The following RANBP2 variants were observed in gnomAD, a reference collection of about 807,000 sequenced individuals.
RANBP2 encodes the protein RAN binding protein 2, also known as E3 SUMO-protein ligase RanBP2.
RANBP2 carries 57 observed loss-of-function variants against 303.6 expected under a neutral mutation model. The observed-to-expected ratio is 0.19, with a 90% CI of 0.15 to 0.23. RANBP2 has a LOEUF of 0.23. RANBP2 is among the 10% of genes least tolerant of loss of function. The probability of loss-of-function intolerance (pLI) is 1.00; values close to 1 mark genes in which losing one functional copy is unlikely to be tolerated. For synonymous variants in RANBP2, 1,167 were observed against 1,301.5 expected (o/e 0.90, Z 2.23); for missense variants, 3,138 against 3,780.8 (o/e 0.83, Z 4.46).
chr2:109,276,007 C>T, the RANBP2 span, among the ~76,000 whole-genome samples: 1 of 152,180 alleles, frequency 6.6e-6, no homozygotes, highest in African/African-American at 2.4e-5. Context: ...ATTTGGTCTC[C>T]AATCCTGGAG....
downstream of RANBP2, chr2:108,788,974 AC>A (rs1187432185): frequency 6.2e-7 from 1 of 1,613,378 alleles, no homozygotes; most frequent in Non-Finnish European, 8.5e-7. Flanking sequence ...TTGGTAAAGT[AC>A]CCTGAAACTT....
chr2:109,324,668 C>G, the RANBP2 span, among the ~76,000 whole-genome samples: 1 of 152,230 alleles, frequency 6.6e-6, no homozygotes, highest in African/African-American at 2.4e-5. Context: ...TCCTGGAACT[C>G]CTTTCTCCTG....
the RANBP2 span, among the ~76,000 whole-genome samples, chr2:109,019,333 G>A: frequency 0.14 from 21,956 of 152,198 alleles, 2,377 homozygotes; most frequent in African/African-American, 0.3. Context: ...CTGAGCTCCA[G>A]GGACTCACCA....
the RANBP2 span, among the ~76,000 whole-genome samples, chr2:109,558,755 G>GTT: frequency 6.6e-6 from 1 of 152,058 alleles, no homozygotes; most frequent in Admixed American, 6.5e-5. Context: ...TCACATAAAG[G>GTT]TCACCCAACA....
the RANBP2 span, among the ~76,000 whole-genome samples, chr2:109,649,562 T>C: frequency 6.6e-6 from 1 of 152,040 alleles, no homozygotes; most frequent in African/African-American, 2.4e-5. Context: ...CACACCCGGC[T>C]AATTTTTGTA....
At chr2:109,390,477 C>G in the RANBP2 span, among the ~76,000 whole-genome samples, 1 of 151,926 alleles carries the variant, frequency 6.6e-6, no homozygotes, top group East Asian at 1.9e-4. Context: ...TCTGGCAGGT[C>G]TTAATACTGA....
chr2:109,566,853 C>G, the RANBP2 span, among the ~76,000 whole-genome samples: 4 of 151,988 alleles, frequency 2.6e-5, no homozygotes, highest in African/African-American at 9.7e-5. Context: ...GGGGAAAAGT[C>G]TAATGTAAAA....
At chr2:109,549,696 A>G in the RANBP2 span, among the ~76,000 whole-genome samples, 1 of 152,222 alleles carries the variant, frequency 6.6e-6, no homozygotes, top group East Asian at 1.9e-4. Context: ...AGACTCCAGG[A>G]GGATGCCTGA....
At chr2:108,842,227 C>T in the RANBP2 span, among the ~76,000 whole-genome samples, 1 of 149,226 alleles carries the variant, frequency 6.7e-6, no homozygotes, top group East Asian at 2.0e-4. Context: ...TTGATAGAGG[C>T]ATTGTCTTGC....
At chr2:108,962,701 A>AGT in the RANBP2 span, among the ~76,000 whole-genome samples, 3 of 86,782 alleles carry the variant, frequency 3.5e-5, 1 homozygote, top group South Asian at 8.8e-4. Flanking sequence ...AAAAAAAAAA[A>AGT]GAGAGAAAGG....
At chr2:109,078,967 G>A in the RANBP2 span, among the ~76,000 whole-genome samples, 1 of 152,150 alleles carries the variant, frequency 6.6e-6, no homozygotes, top group East Asian at 1.9e-4. Context: ...TTCCAGCCTG[G>A]GCAACGGAGC....
chr2:109,461,884 A>C, the RANBP2 span, among the ~76,000 whole-genome samples: 1 of 152,080 alleles, frequency 6.6e-6, no homozygotes, highest in Non-Finnish European at 1.5e-5. Context: ...CCAAATTAAT[A>C]CACCCATCTG....
the RANBP2 span, among the ~76,000 whole-genome samples, chr2:109,679,329 A>G: frequency 6.6e-6 from 1 of 152,214 alleles, no homozygotes; most frequent in African/African-American, 2.4e-5. Flanking sequence ...ACACAGAAGC[A>G]CCATGAGTAC....
At chr2:108,758,357 T>C in intron 17 of RANBP2, 56 bp from the exon 18 acceptor site, 1 of 1,608,168 alleles carries the variant, frequency 6.2e-7, no homozygotes. Context: ...CAGCACTGTT[T>C]CTGTCATGAT....
chr2:109,423,607 G>T, the RANBP2 span, among the ~76,000 whole-genome samples: 1 of 152,142 alleles, frequency 6.6e-6, no homozygotes, highest in Non-Finnish European at 1.5e-5. Context: ...GGTAAAATAA[G>T]TCCCTGCCAG....
chr2:109,617,714 A>C, the RANBP2 span: 1 of 166,928 alleles, frequency 6.0e-6, no homozygotes, highest in Non-Finnish European at 1.5e-5. Context: ...ATGGTCATTG[A>C]ATTTGTTTAA....
the RANBP2 span, chr2:108,873,319 A>G: frequency 1.2e-6 from 1 of 835,286 alleles, no homozygotes; most frequent in Non-Finnish European, 1.7e-6. Context: ...TTCACTCAAA[A>G]ATTTAAGTAT....
At chr2:109,381,300 A>G in the RANBP2 span, among the ~76,000 whole-genome samples, 1 of 152,200 alleles carries the variant, frequency 6.6e-6, no homozygotes, top group Non-Finnish European at 1.5e-5. Context: ...CTTCTCCCCT[A>G]GGCTCCAGCT....
chr2:109,035,013 A>G, the RANBP2 span, among the ~76,000 whole-genome samples: 80 of 152,346 alleles, frequency 5.3e-4, no homozygotes, highest in African/African-American at 1.8e-3. Flanking sequence ...GCCATTAGCC[A>G]GAGGACCCAG....
Sources: gnomAD v4.1 joint callset for allele counts (sites outside exome capture counted in the v4.1 genomes callset) on GRCh38, gnomAD v4.1.1 for gene constraint, MANE v1.5 for transcripts, NCBI Gene and HGNC (gene_info 2026-07-23, HGNC 2026-07-21) for gene names.